Variants in CDH12 observed in about 807,000 individuals in gnomAD.
CDH12 encodes cadherin 12.
A neutral mutation model predicts 74.1 loss-of-function variants in CDH12; 41 were observed. The ratio of observed to expected loss-of-function variants is 0.55; its 90% confidence interval spans 0.43 to 0.72. The LOEUF is 0.72. CDH12 is among the 30% of genes least tolerant of loss of function. CDH12 has a pLI of 0.00. For missense variants in CDH12, 945 were observed against 977.2 expected (o/e 0.97, Z 0.44); for synonymous variants, 399 against 355.0 (o/e 1.12, Z -1.39).
intron 1 of CDH12, among the ~76,000 whole-genome samples, chr5:22,711,176 T>C (rs1001318885): frequency 2.6e-5 from 4 of 151,922 alleles, no homozygotes; most frequent in East Asian, 1.9e-4. Context: ...GATAAGAGAA[T>C]AGAAAAGTGT....
At chr5:21,958,441 T>G (rs538411938) in intron 6 of CDH12, among the ~76,000 whole-genome samples, 1 of 152,208 alleles carries the variant, frequency 6.6e-6, no homozygotes, top group South Asian at 2.1e-4. Context: ...TGCATTTAAG[T>G]GTTTAATCCA....
intron 3 of CDH12, among the ~76,000 whole-genome samples, chr5:22,274,405 C>T (rs1052174890): frequency 2.6e-5 from 4 of 152,056 alleles, no homozygotes; most frequent in Non-Finnish European, 4.4e-5. Context: ...TTGTTTAGCA[C>T]TATCTCTAAA....
intron 1 of CDH12, among the ~76,000 whole-genome samples, chr5:22,626,138 AC>A (rs1259983099): frequency 1.3e-5 from 2 of 150,408 alleles, no homozygotes; most frequent in African/African-American, 2.4e-5. Context: ...TTGGCACCCT[AC>A]CCCCCCCAAC....
chr5:21,914,825 T>C (rs1205269301), intron 6 of CDH12, among the ~76,000 whole-genome samples: 1 of 152,224 alleles, frequency 6.6e-6, no homozygotes, highest in Non-Finnish European at 1.5e-5. Flanking sequence ...AATAACTAGG[T>C]AACTTAGCAA....
chr5:21,783,840 CTG>C (rs1232701147), intron 10 of CDH12, among the ~76,000 whole-genome samples: 1 of 152,106 alleles, frequency 6.6e-6, no homozygotes, highest in African/African-American at 2.4e-5. Flanking sequence ...GTGGCTATGA[CTG>C]TGTAAATGGG....
intron 5 of CDH12, 90 bp downstream of exon 5, chr5:22,078,356 G>T: frequency 8.7e-7 from 1 of 1,145,824 alleles, no homozygotes; most frequent in African/African-American, 1.5e-5. Context: ...TCACTGGTTT[G>T]TTCAACTCCT....
intron 1 of CDH12, among the ~76,000 whole-genome samples, chr5:22,746,042 T>A (rs185455471): frequency 1.1e-3 from 162 of 152,324 alleles, no homozygotes; most frequent in Non-Finnish European, 1.8e-3. Context: ...GATATAATAA[T>A]AGGTCCATGT....
At chr5:22,096,254 T>C (rs957217830) in intron 4 of CDH12, among the ~76,000 whole-genome samples, 2 of 152,148 alleles carry the variant, frequency 1.3e-5, no homozygotes, top group Non-Finnish European at 2.9e-5. Context: ...AAAACGGCAC[T>C]TTCGATTTTT....
chr5:22,558,859 C>T (rs150027389), intron 1 of CDH12, among the ~76,000 whole-genome samples: 192 of 151,844 alleles, frequency 1.3e-3, no homozygotes, highest in African/African-American at 4.5e-3. Context: ...GAAGGGAAAG[C>T]GAGATGAACA....
intron 1 of CDH12, among the ~76,000 whole-genome samples, chr5:22,633,167 T>C (rs1411164570): frequency 2.6e-5 from 4 of 152,160 alleles, no homozygotes; most frequent in Non-Finnish European, 2.9e-5. Flanking sequence ...AGTTCATTGC[T>C]AGTAGAATAC....
At chr5:22,381,405 A>C (rs780989744) in intron 3 of CDH12, among the ~76,000 whole-genome samples, 1 of 152,078 alleles carries the variant, frequency 6.6e-6, no homozygotes, top group Non-Finnish European at 1.5e-5. Context: ...AACAAATATA[A>C]GTTTACATTT....
intron 6 of CDH12, among the ~76,000 whole-genome samples, chr5:21,903,759 A>G (rs1053716099): frequency 1.3e-5 from 2 of 152,150 alleles, no homozygotes; most frequent in African/African-American, 4.8e-5. Context: ...ACAAATGAAC[A>G]ATAGAAGTCA....
intron 3 of CDH12, among the ~76,000 whole-genome samples, chr5:22,257,481 TTTTATTTATTTA>T (rs71609758): frequency 3.4e-4 from 49 of 145,036 alleles, no homozygotes; most frequent in African/African-American, 1.0e-3. Flanking sequence ...TATTTTTTAT[TTTTATTTATTTA>T]TTTATTTATT....
intron 5 of CDH12, among the ~76,000 whole-genome samples, chr5:22,045,820 T>C (rs1450471375): frequency 2.0e-5 from 3 of 152,064 alleles, no homozygotes; most frequent in Admixed American, 1.3e-4. Context: ...GGAGGACAGG[T>C]TGTTTAACAG....
At chr5:22,308,980 A>T (rs201434689) in intron 3 of CDH12, among the ~76,000 whole-genome samples, 1 of 52,922 alleles carries the variant, frequency 1.9e-5, no homozygotes, top group South Asian at 3.8e-4. Flanking sequence ...AGAGAAAGCG[A>T]GAGAGAGATG....
rs552573885 is a variant in CDH12 at position 22,163,978 on chromosome 5, C to A, written c.-187+48520G>T. ...CATACTCATATAGTTACATAATTCA[C>A]ATTATGTTAATCAGGAAGTATGTCC... On this transcript the variant is annotated intron_variant, in intron 4 of 14. Transcript: ENST00000382254. Among the ~76,000 whole-genome samples the A allele has an allele frequency of 6.6e-4, 101 of 152,294 alleles. 2 individuals carry two copies. The South Asian group carries it at 0.02, about 30-fold the overall frequency.
At position 21,751,632 on chromosome 5, in the gene CDH12, TTGTG is replaced by T. The variant is rs70957059; in HGVS notation, c.*101_*104del. On this transcript the variant is annotated 3_prime_UTR_variant, in exon 15 of 15. Coordinates refer to ENST00000382254, the MANE Select transcript of CDH12 (RefSeq NM_004061.5). ...AGAGTGTGTGTGTGTGTGTGTGTGTTTGTGTGTGTGTGTGTGTGTGAGAGAGATT... is the reference window on the plus strand; with the variant it reads ...AGAGTGTGTGTGTGTGTGTGTGTGTTTGTGTGTGTGTGTGTGAGAGAGATT... 1.0e-5 allele frequency: 6 copies of T among 573,030 alleles called. No homozygotes were observed. The highest frequency in any genetic ancestry group is 6.1e-5 in the Admixed American group (2 of 32,776). The allele number at this position is 573,030 out of a possible 1,614,324, so 35.5% of individuals were successfully genotyped here. A position where few individuals can be genotyped will look rare whatever the true frequency, so the allele number is the denominator to read the frequency against.
At chr5:22,091,858 C>T (rs1743454948) in intron 4 of CDH12, among the ~76,000 whole-genome samples, 1 of 151,688 alleles carries the variant, frequency 6.6e-6, no homozygotes, top group South Asian at 2.1e-4. Flanking sequence ...AAGTATACAC[C>T]CAGAAGCCAT....
intron 3 of CDH12, among the ~76,000 whole-genome samples, chr5:22,217,516 A>G (rs988415017): frequency 2.0e-5 from 3 of 151,798 alleles, no homozygotes; most frequent in Non-Finnish European, 4.4e-5. Flanking sequence ...TTTTGTAGAC[A>G]TAATTGCTTT....
Sources: gnomAD v4.1 joint callset for allele counts (sites outside exome capture counted in the v4.1 genomes callset) on GRCh38, gnomAD v4.1.1 for gene constraint, MANE v1.5 for transcripts, NCBI Gene and HGNC (gene_info 2026-07-23, HGNC 2026-07-21) for gene names.